Variants in UBE2E2 observed in about 807,000 individuals in gnomAD.
UBE2E2 encodes ubiquitin conjugating enzyme E2 E2, also known as ubiquitin-conjugating enzyme E2 E2.
Under a neutral mutation model 24.7 loss-of-function variants are expected in UBE2E2, and 6 were observed. The observed-to-expected ratio is 0.24, with a 90% CI of 0.13 to 0.48. UBE2E2 has a LOEUF of 0.48. UBE2E2 is among the 20% of genes least tolerant of loss of function. UBE2E2 has a pLI of 0.99. For synonymous variants in UBE2E2, 104 were observed against 83.6 expected (o/e 1.24, Z -1.33); for missense variants, 169 against 245.0 (o/e 0.69, Z 2.07).
rs191255951 is a variant in UBE2E2, at chr3:23,349,535, C to A, written c.227+132223C>A. On this transcript the variant is annotated intron_variant, in intron 3 of 5. Coordinates refer to ENST00000396703, the MANE Select transcript of UBE2E2 (RefSeq NM_152653.4). ...AAATTGGGTCACTCCCATCCTAATA[C>A]TGCGCTTTTCTGACGGGCTTAAAAA... Among the ~76,000 whole-genome samples the A allele has an allele frequency of 7.9e-4, 121 of 152,284 alleles. 2 individuals carry two copies. Among genetic ancestry groups the A allele is most frequent in the Admixed American group, 1.9e-3 (29 of 15,308 alleles).
At chr3:23,258,017 T>G (rs1697784008) in intron 3 of UBE2E2, among the ~76,000 whole-genome samples, 1 of 152,190 alleles carries the variant, frequency 6.6e-6, no homozygotes, top group Non-Finnish European at 1.5e-5. Flanking sequence ...TGAGAAGAGA[T>G]GACAATACAT....
At chr3:23,387,149 A>G (rs1162271460) in intron 3 of UBE2E2, among the ~76,000 whole-genome samples, 3 of 152,226 alleles carry the variant, frequency 2.0e-5, no homozygotes, top group East Asian at 3.8e-4. Context: ...TATTAGCAGT[A>G]CTTGTTTCTG....
At chr3:23,478,896 ATT>A (rs5847235) in intron 3 of UBE2E2, among the ~76,000 whole-genome samples, 1,224 of 120,510 alleles carry the variant, frequency 0.01, 16 homozygotes, top group African/African-American at 0.03. Flanking sequence ...ATATATATAT[ATT>A]TTTTTTTTAA....
At chr3:23,470,610 T>A (rs922090658) in intron 3 of UBE2E2, among the ~76,000 whole-genome samples, 6 of 152,236 alleles carry the variant, frequency 3.9e-5, no homozygotes, top group Non-Finnish European at 7.3e-5. Flanking sequence ...AAACTTAGTT[T>A]AAATTTTCAC....
chr3:23,577,974 AATAT>A (rs1197665096), intron 5 of UBE2E2, among the ~76,000 whole-genome samples: 1 of 151,734 alleles, frequency 6.6e-6, no homozygotes, highest in East Asian at 1.9e-4. Context: ...TGACGTACTG[AATAT>A]TTTAAGCCCA....
At chr3:23,568,164 C>G (rs551047857) in intron 5 of UBE2E2, among the ~76,000 whole-genome samples, 2 of 152,278 alleles carry the variant, frequency 1.3e-5, no homozygotes, top group South Asian at 2.1e-4. Context: ...TATTTCTTGG[C>G]TCAAGTTCAG....
At chr3:23,520,791 C>A (rs1694846026) in intron 4 of UBE2E2, among the ~76,000 whole-genome samples, 1 of 152,144 alleles carries the variant, frequency 6.6e-6, no homozygotes, top group African/African-American at 2.4e-5. Context: ...TACAGGCACA[C>A]ACAACCATGC....
intron 5 of UBE2E2, among the ~76,000 whole-genome samples, chr3:23,587,707 A>C (rs188249035): frequency 6.6e-6 from 1 of 152,236 alleles, no homozygotes; most frequent in Non-Finnish European, 1.5e-5. Flanking sequence ...CTACATTTTT[A>C]AAAAAGTATC....
chr3:23,213,588 T>G (rs1459059554), intron 2 of UBE2E2, among the ~76,000 whole-genome samples: 3 of 152,126 alleles, frequency 2.0e-5, no homozygotes, highest in Non-Finnish European at 4.4e-5. Flanking sequence ...CATACTAACC[T>G]AAGAGGTGGC....
chr3:23,232,284 G>A (rs1696996285), intron 3 of UBE2E2, among the ~76,000 whole-genome samples: 1 of 152,196 alleles, frequency 6.6e-6, no homozygotes, highest in Non-Finnish European at 1.5e-5. Context: ...GGAAAACGGG[G>A]TTGAAGAACA....
At chr3:23,211,739 T>G (rs940141562) in intron 2 of UBE2E2, among the ~76,000 whole-genome samples, 1 of 152,146 alleles carries the variant, frequency 6.6e-6, no homozygotes. Flanking sequence ...AGCCTCGATT[T>G]CTTCTTTCGT....
intron 3 of UBE2E2, among the ~76,000 whole-genome samples, chr3:23,221,976 A>T (rs920882191): frequency 2.0e-5 from 3 of 152,128 alleles, no homozygotes; most frequent in Non-Finnish European, 4.4e-5. Context: ...ACATTTATAT[A>T]TTTATATTCT....
chr3:23,221,450 A>G (rs188981522), intron 3 of UBE2E2, among the ~76,000 whole-genome samples: 1 of 151,730 alleles, frequency 6.6e-6, no homozygotes, highest in African/African-American at 2.4e-5. Flanking sequence ...CTCCTTCCCC[A>G]TTTTCCCCCA....
chr3:23,587,674 A>G (rs1696658395), intron 5 of UBE2E2, among the ~76,000 whole-genome samples: 1 of 152,200 alleles, frequency 6.6e-6, no homozygotes, highest in Admixed American at 6.5e-5. Flanking sequence ...CTCTAATGTC[A>G]TTACTTAAGC....
Position 23,430,069 on chromosome 3 carries a change from G to T in UBE2E2, c.228-69539G>T, listed in dbSNP as rs554161748. ...CCGAAGGAACATTTTTATTAATCAT[G>T]GTTATAGTAGTAGGAGTTAATTCTG... On this transcript the variant is annotated intron_variant, in intron 3 of 5. Coordinates refer to ENST00000396703, the MANE Select transcript of UBE2E2 (RefSeq NM_152653.4). 2.6e-5 allele frequency among the ~76,000 whole-genome samples: 4 copies of T among 152,132 alleles called. No individual in the cohort carries two copies. The South Asian group carries it at 6.2e-4, about 24-fold the overall frequency.
intron 3 of UBE2E2, among the ~76,000 whole-genome samples, chr3:23,336,389 A>G (rs944588775): frequency 6.6e-6 from 1 of 152,214 alleles, no homozygotes; most frequent in African/African-American, 2.4e-5. Context: ...CATATTTCCT[A>G]TAGGCAAATT....
chr3:23,417,546 G>C (rs1313985443), intron 3 of UBE2E2, among the ~76,000 whole-genome samples: 2 of 152,224 alleles, frequency 1.3e-5, no homozygotes, highest in Non-Finnish European at 2.9e-5. Flanking sequence ...GGACCCACTT[G>C]AGGAGGCGGT....
chr3:23,564,613 A>G (rs1482483770), intron 5 of UBE2E2, among the ~76,000 whole-genome samples: 9 of 152,146 alleles, frequency 5.9e-5, no homozygotes, highest in Non-Finnish European at 1.2e-4. Context: ...GAATTTCCAA[A>G]CATAATTCTG....
intron 3 of UBE2E2, among the ~76,000 whole-genome samples, chr3:23,490,052 AATTAAAGG>A (rs1448819059): frequency 6.6e-6 from 1 of 152,204 alleles, no homozygotes; most frequent in Non-Finnish European, 1.5e-5. Flanking sequence ...CCTTTCAGCT[AATTAAAGG>A]ATTGCAGATA....
Sources: allele counts gnomAD v4.1 joint callset (sites outside exome capture counted in the v4.1 genomes callset), GRCh38; gene constraint gnomAD v4.1.1; transcripts MANE v1.5; gene names NCBI Gene and HGNC (gene_info 2026-07-23, HGNC 2026-07-21).